Variants in KALRN observed in about 807,000 individuals in gnomAD.
KALRN encodes the protein kalirin RhoGEF kinase.
Under a neutral mutation model 353.7 loss-of-function variants are expected in KALRN, and 70 were observed. The observed-to-expected ratio is 0.20, with a 90% CI of 0.16 to 0.24. The LOEUF (loss-of-function observed/expected upper bound fraction) is 0.24, where lower values mean the gene tolerates loss of function less well. Among genes scored for constraint, KALRN ranks in the 10% least tolerant of loss-of-function variants. KALRN has a pLI of 1.00. For synonymous variants in KALRN, 1,391 were observed against 1,434.8 expected (o/e 0.97, Z 0.69); for missense variants, 2,791 against 3,756.7 (o/e 0.74, Z 6.72).
At chr3:124,698,758 A>G (rs2062180268) in intron 55 of KALRN, among the ~76,000 whole-genome samples, 1 of 152,206 alleles carries the variant, frequency 6.6e-6, no homozygotes. Context: ...TTAAGAGAAT[A>G]TATATTTTTT....
chr3:124,713,925 A>G (rs190330874), intron 58 of KALRN, among the ~76,000 whole-genome samples: 9 of 152,286 alleles, frequency 5.9e-5, no homozygotes, highest in African/African-American at 1.9e-4. Context: ...TCAGCTTTTC[A>G]ACTACCATGT....
rs2149833597 is a variant in KALRN, at chr3:124,632,712, A to AG, written c.5466+14dup. 6.2e-7 allele frequency: 1 copy of AG among 1,612,102 alleles called. No individual in the cohort carries two copies. The highest frequency in any genetic ancestry group is 2.2e-5 in the East Asian group (1 of 44,874). ...GAGACAGCGCTGATGAGGTACTTAC[A>AG]GGGGGCCCTGGAGTTGTCCATCAGG... On this transcript the variant is annotated intron_variant, in intron 35 of 59. Transcript: ENST00000682506.
chr3:124,442,563 A>C (rs1220901347), intron 19 of KALRN, among the ~76,000 whole-genome samples: 2 of 152,168 alleles, frequency 1.3e-5, no homozygotes, highest in Non-Finnish European at 2.9e-5. Context: ...TTTGTCACTG[A>C]TTGATTAAGC....
chr3:124,078,256 G>T (rs1439049379), intron 1 of KALRN, among the ~76,000 whole-genome samples: 1 of 152,168 alleles, frequency 6.6e-6, no homozygotes, highest in East Asian at 1.9e-4. Flanking sequence ...TTGAGGGCAG[G>T]ACCTGGGTCT....
chr3:124,173,918 G>C (rs558022938), intron 1 of KALRN, among the ~76,000 whole-genome samples: 1 of 152,190 alleles, frequency 6.6e-6, no homozygotes, highest in South Asian at 2.1e-4. Context: ...CTGTGCTTTT[G>C]AATGGCCATG....
intron 10 of KALRN, among the ~76,000 whole-genome samples, chr3:124,365,326 T>G (rs186225320): frequency 6.6e-6 from 1 of 152,352 alleles, no homozygotes; most frequent in East Asian, 1.9e-4. Context: ...AGAGACACCC[T>G]GAGAGCCACT....
chr3:124,582,451 G>A (rs2149269048), intron 34 of KALRN, among the ~76,000 whole-genome samples: 1 of 152,328 alleles, frequency 6.6e-6, no homozygotes, highest in Middle Eastern at 3.4e-3. Context: ...GGAGATGGCA[G>A]TAGCAGAACT....
At chr3:124,442,149 A>C (rs1341671699) in intron 19 of KALRN, 90 bp downstream of exon 19, 5 of 639,960 alleles carry the variant, frequency 7.8e-6, no homozygotes, top group African/African-American at 7.6e-5. Flanking sequence ...ACAATCTCAA[A>C]TTTCCTGCTG....
At chr3:124,481,044 G>A (rs1439532402) in intron 27 of KALRN, among the ~76,000 whole-genome samples, 2 of 152,020 alleles carry the variant, frequency 1.3e-5, no homozygotes, top group African/African-American at 4.8e-5. Context: ...GGATCGTGTG[G>A]TAACTTCATA....
rs1276482017 is a variant in KALRN, at chr3:124,347,370, G to GCTGTGTGTGTGTGTGT, written c.1770+106_1770+121dup. Reference sequence around the variant, plus strand: ...TTTGAAGAGGTGGCTCAGGTGAGAAGCTGTGTGTGTGTGTGTGTGTGTGTG... The same window carrying GCTGTGTGTGTGTGTGT: ...TTTGAAGAGGTGGCTCAGGTGAGAAGCTGTGTGTGTGTGTGTCTGTGTGTGTGTGTGTGTGTGTGTG... On this transcript the variant is annotated intron_variant, in intron 10 of 59. Transcript: ENST00000682506. 3 of 644,752 alleles carry GCTGTGTGTGTGTGTGT rather than the reference G, an allele frequency of 4.7e-6. 1 individual carries two copies. The highest frequency in any genetic ancestry group is 6.5e-6 in the Non-Finnish European group (3 of 463,396). 39.9% of individuals were successfully genotyped at this position (644,752 alleles called of 1,614,324 possible).
intron 34 of KALRN, among the ~76,000 whole-genome samples, chr3:124,608,646 G>A (rs367711820): frequency 6.8e-4 from 104 of 152,274 alleles, no homozygotes; most frequent in African/African-American, 2.5e-3. Context: ...CTGCCCAAGA[G>A]TTGGGAACAA....
At chr3:124,585,239 A>T (rs1266687067) in intron 34 of KALRN, among the ~76,000 whole-genome samples, 4 of 152,220 alleles carry the variant, frequency 2.6e-5, no homozygotes, top group African/African-American at 9.6e-5. Flanking sequence ...GGGGACGCAG[A>T]GCCGCGTGTG....
chr3:124,437,805 G>A (rs1466287011), intron 17 of KALRN, among the ~76,000 whole-genome samples: 5 of 149,302 alleles, frequency 3.3e-5, no homozygotes, highest in Admixed American at 6.7e-5. Flanking sequence ...AGTAATCAAA[G>A]TCTATTGAAG....
At chr3:124,469,671 G>A (rs912850124) in intron 25 of KALRN, among the ~76,000 whole-genome samples, 5 of 152,022 alleles carry the variant, frequency 3.3e-5, no homozygotes, top group Admixed American at 6.6e-5. Flanking sequence ...CCCCATTTCC[G>A]ACTTAATTTT....
At chr3:124,229,030 A>G (rs1417461610) in intron 2 of KALRN, among the ~76,000 whole-genome samples, 2 of 151,082 alleles carry the variant, frequency 1.3e-5, no homozygotes, top group Non-Finnish European at 3.0e-5. Flanking sequence ...TAGATAATCT[A>G]GAATAATTGC....
At chr3:124,048,399 A>T (rs2040712666) in intron 1 of KALRN, among the ~76,000 whole-genome samples, 1 of 152,114 alleles carries the variant, frequency 6.6e-6, no homozygotes, top group Non-Finnish European at 1.5e-5. Flanking sequence ...CAAAAAGAGG[A>T]TCATGTTATA....
At chr3:124,237,337 G>A (rs906635808) in intron 3 of KALRN, among the ~76,000 whole-genome samples, 9 of 151,764 alleles carry the variant, frequency 5.9e-5, no homozygotes, top group Admixed American at 5.9e-4. Flanking sequence ...GTGTGATCAA[G>A]CCTGTAGGTG....
chr3:124,648,203 C>A (rs1034878036), intron 37 of KALRN, among the ~76,000 whole-genome samples: 2 of 152,226 alleles, frequency 1.3e-5, no homozygotes, highest in African/African-American at 4.8e-5. Flanking sequence ...TTATTACAAG[C>A]ATTAAAATCA....
intron 1 of KALRN, among the ~76,000 whole-genome samples, chr3:124,097,229 T>C (rs988488436): frequency 6.6e-6 from 1 of 152,268 alleles, no homozygotes; most frequent in Non-Finnish European, 1.5e-5. Context: ...TAAAGTGGCA[T>C]GTTAGGCTGA....
Sources: gnomAD v4.1 joint callset for allele counts (sites outside exome capture counted in the v4.1 genomes callset) on GRCh38, gnomAD v4.1.1 for gene constraint, MANE v1.5 for transcripts, NCBI Gene and HGNC (gene_info 2026-07-23, HGNC 2026-07-21) for gene names.